Variants in TENM2 observed in about 807,000 individuals in gnomAD.
The protein encoded by TENM2 is teneurin transmembrane protein 2, also known as teneurin-2.
TENM2 carries 52 observed loss-of-function variants against 245.2 expected under a neutral mutation model. That is an observed-to-expected ratio of 0.21 (90% confidence interval 0.17 to 0.27). The LOEUF (loss-of-function observed/expected upper bound fraction) is 0.27, where lower values mean the gene tolerates loss of function less well. Among genes scored for constraint, TENM2 ranks in the 10% least tolerant of loss-of-function variants. The pLI is 1.00. For synonymous variants in TENM2, 1,363 were observed against 1,438.9 expected (o/e 0.95, Z 1.19); for missense variants, 3,046 against 3,666.8 (o/e 0.83, Z 4.37).
intron 5 of TENM2, among the ~76,000 whole-genome samples, chr5:168,013,177 G>A (rs922822588): frequency 6.6e-6 from 1 of 152,130 alleles, no homozygotes; most frequent in African/African-American, 2.4e-5. Flanking sequence ...TGTGTTATAT[G>A]TCTATCCCTT....
At chr5:167,906,052 T>G (rs6880549) in intron 3 of TENM2, among the ~76,000 whole-genome samples, 2 of 152,202 alleles carry the variant, frequency 1.3e-5, no homozygotes, top group Non-Finnish European at 2.9e-5. Context: ...GCACAGACTG[T>G]AATAAATTTA....
At chr5:167,243,499 A>G in the TENM2 span, among the ~76,000 whole-genome samples, 1 of 152,196 alleles carries the variant, frequency 6.6e-6, no homozygotes, top group Admixed American at 6.5e-5. Flanking sequence ...GTCCTTGGAG[A>G]TGAGCTCAAA....
At chr5:167,541,251 C>T (rs1478258633) in intron 2 of TENM2, among the ~76,000 whole-genome samples, 12 of 152,052 alleles carry the variant, frequency 7.9e-5, no homozygotes, top group Admixed American at 6.6e-5. Context: ...TTTTTTCACT[C>T]GTAAAAATCT....
chr5:167,139,890 CTG>C, the TENM2 span, among the ~76,000 whole-genome samples: 3 of 152,258 alleles, frequency 2.0e-5, no homozygotes, highest in South Asian at 6.2e-4. Flanking sequence ...ACAGTTGGTT[CTG>C]TGTTACTATT....
the TENM2 span, among the ~76,000 whole-genome samples, chr5:167,164,622 A>G: frequency 0.018 from 2,696 of 152,282 alleles, 64 homozygotes; most frequent in African/African-American, 0.061. Context: ...ATTTGAGTGC[A>G]AAACAATGCC....
At chr5:167,083,255 A>C in the TENM2 span, among the ~76,000 whole-genome samples, 1 of 152,168 alleles carries the variant, frequency 6.6e-6, no homozygotes, top group Admixed American at 6.6e-5. Context: ...CTGTGATTTA[A>C]ATTCAAGGAG....
chr5:167,319,525 T>C (rs1210824527), intron 1 of TENM2, among the ~76,000 whole-genome samples: 1 of 152,138 alleles, frequency 6.6e-6, no homozygotes, highest in Non-Finnish European at 1.5e-5. Context: ...TGATTTAGAA[T>C]CACAGATGGT....
chr5:167,393,603 G>T (rs1042695573), intron 2 of TENM2, among the ~76,000 whole-genome samples: 2 of 152,108 alleles, frequency 1.3e-5, no homozygotes, highest in Non-Finnish European at 2.9e-5. Context: ...TGAAGGTGAA[G>T]TCAGGTCATA....
chr5:167,894,090 G>C (rs1368142221), intron 3 of TENM2, among the ~76,000 whole-genome samples: 1 of 152,138 alleles, frequency 6.6e-6, no homozygotes, highest in African/African-American at 2.4e-5. Context: ...TTTAATAGAC[G>C]ATCAATTCCT....
At chr5:167,979,983 T>G (rs1189649132) in intron 4 of TENM2, among the ~76,000 whole-genome samples, 1 of 152,156 alleles carries the variant, frequency 6.6e-6, no homozygotes, top group Non-Finnish European at 1.5e-5. Context: ...CTACAGGCAG[T>G]ATGAGATGAT....
chr5:167,283,505 G>T (rs1771172223), upstream of TENM2, among the ~76,000 whole-genome samples: 1 of 152,198 alleles, frequency 6.6e-6, no homozygotes, highest in African/African-American at 2.4e-5. Context: ...TCTGGTGTCT[G>T]CAGGCAAATG....
intron 2 of TENM2, among the ~76,000 whole-genome samples, chr5:167,684,428 G>A (rs188207165): frequency 2.4e-4 from 36 of 152,318 alleles, no homozygotes; most frequent in East Asian, 1.7e-3. Flanking sequence ...GAGGGCACAC[G>A]CTGACATTTT....
intron 7 of TENM2, among the ~76,000 whole-genome samples, chr5:168,077,433 T>C (rs1283870923): frequency 6.6e-6 from 1 of 152,166 alleles, no homozygotes; most frequent in East Asian, 1.9e-4. Context: ...CCACTCTTTT[T>C]TTTTTTAATT....
At chr5:167,448,833 A>T (rs1023377681) in intron 2 of TENM2, among the ~76,000 whole-genome samples, 3 of 152,040 alleles carry the variant, frequency 2.0e-5, no homozygotes, top group Admixed American at 2.0e-4. Context: ...TGGCTGAAGG[A>T]TGATTAGAAA....
At chr5:167,705,784 C>A (rs572852798) in intron 2 of TENM2, among the ~76,000 whole-genome samples, 1 of 151,748 alleles carries the variant, frequency 6.6e-6, no homozygotes, top group Non-Finnish European at 1.5e-5. Flanking sequence ...TACTCCCCAG[C>A]CCCTGCAGTT....
intron 2 of TENM2, among the ~76,000 whole-genome samples, chr5:167,522,823 A>T (rs997490349): frequency 5.8e-5 from 1 of 17,120 alleles, no homozygotes; most frequent in Non-Finnish European, 1.1e-4. Flanking sequence ...CTGCCCTATA[A>T]AAAAAAAAGC....
chr5:167,218,028 T>G, the TENM2 span, among the ~76,000 whole-genome samples: 1 of 152,122 alleles, frequency 6.6e-6, no homozygotes, highest in Non-Finnish European at 1.5e-5. Context: ...GCACTGAGAT[T>G]GATGCTTTCC....
chr5:167,189,001 T>G, the TENM2 span, among the ~76,000 whole-genome samples: 1 of 152,276 alleles, frequency 6.6e-6, no homozygotes, highest in African/African-American at 2.4e-5. Flanking sequence ...TATTTGCATT[T>G]TAACACTTTT....
At chr5:167,375,822 C>T (rs1223749816) in intron 2 of TENM2, among the ~76,000 whole-genome samples, 1 of 152,112 alleles carries the variant, frequency 6.6e-6, no homozygotes, top group East Asian at 1.9e-4. Context: ...GTATTGATTT[C>T]CCCTTCCCAG....
Sources: gnomAD v4.1 joint callset for allele counts (sites outside exome capture counted in the v4.1 genomes callset) on GRCh38, gnomAD v4.1.1 for gene constraint, MANE v1.5 for transcripts, NCBI Gene and HGNC (gene_info 2026-07-23, HGNC 2026-07-21) for gene names.